RALB: variants seen among roughly 807,000 people sequenced by gnomAD.
RALB encodes ras-related protein Ral-B.
In RALB, 16 loss-of-function variants were observed where a neutral mutation model predicts 21.3. That is an observed-to-expected ratio of 0.75 (90% CI 0.51 to 1.14). The LOEUF is 1.14. Ranked by LOEUF, RALB falls within the 50% of genes most tolerant of loss-of-function variation. RALB has a pLI of 0.00. For synonymous variants in RALB, 93 were observed against 96.1 expected, an observed-to-expected ratio of 0.97 and a Z score of 0.19; for missense variants, 161 against 256.2, an observed-to-expected ratio of 0.63 and a Z score of 2.54.
chr2:120,281,302 C>T (rs563204355), intron 2 of RALB, among the ~76,000 whole-genome samples: 196 of 152,334 alleles, frequency 1.3e-3, no homozygotes, highest in Non-Finnish European at 2.0e-3. Context: ...GCTTGCTTCT[C>T]CAAGGCCGGC....
chr2:120,268,790 G>A (rs1689570999), intron 1 of RALB, among the ~76,000 whole-genome samples: 1 of 152,174 alleles, frequency 6.6e-6, no homozygotes. Context: ...AGAAGAGGCC[G>A]AGGCAAGTTT....
At chr2:120,281,890 G>C (rs80100726) in intron 2 of RALB, among the ~76,000 whole-genome samples, 12,114 of 152,164 alleles carry the variant, frequency 0.08, 647 homozygotes, top group Non-Finnish European at 0.12. Context: ...AGGTGAGAGA[G>C]GGGGATTTTG....
chr2:120,278,839 C>T (rs1689912280), intron 2 of RALB, 61 bp downstream of exon 2: 2 of 1,390,140 alleles, frequency 1.4e-6, no homozygotes, highest in South Asian at 1.7e-5. Flanking sequence ...TGTCCCTGCT[C>T]CCGCTGTTTC....
At chr2:120,255,152 CTG>C (rs1163942570) in intron 1 of RALB, among the ~76,000 whole-genome samples, 12 of 152,174 alleles carry the variant, frequency 7.9e-5, no homozygotes, top group Non-Finnish European at 1.3e-4. Context: ...TAGGTGAACT[CTG>C]TAGTTTTCCA....
chr2:120,280,866 A>G, intron 2 of RALB: 1 of 444,062 alleles, frequency 2.3e-6, no homozygotes, highest in Non-Finnish European at 4.5e-6. Flanking sequence ...ATATGACAAG[A>G]AAAAGTATAC....
Position 120,262,593 on chromosome 2 carries a change from G to A in RALB, c.-48+9613G>A, listed in dbSNP as rs115903155. Among the ~76,000 whole-genome samples, 256 of 152,266 alleles carry A rather than the reference G, an allele frequency of 1.7e-3. 1 individual carries two copies. The highest frequency in any genetic ancestry group is 5.3e-3 in the African/African-American group (220 of 41,540). Reference sequence around the variant, plus strand: ...CAGCAGTGTGCTCCCCTTAAGAGGAGGGTGGTCCTGTTCTAGCACCGTAGT... The same window carrying A: ...CAGCAGTGTGCTCCCCTTAAGAGGAAGGTGGTCCTGTTCTAGCACCGTAGT... On this transcript the variant is annotated intron_variant, in intron 1 of 4. Transcript: ENST00000272519.
intron 1 of RALB, among the ~76,000 whole-genome samples, chr2:120,260,066 C>T (rs1484278074): frequency 2.6e-5 from 4 of 152,238 alleles, no homozygotes; most frequent in Non-Finnish European, 4.4e-5. Context: ...ACCAAGCCCA[C>T]GCCCACCCGG....
intron 1 of RALB, among the ~76,000 whole-genome samples, chr2:120,277,725 GAT>G (rs1689856114): frequency 1.3e-5 from 2 of 151,956 alleles, no homozygotes; most frequent in South Asian, 2.1e-4. Context: ...GTGCGTGTGT[GAT>G]AGTGTGTGAG....
intron 1 of RALB, among the ~76,000 whole-genome samples, chr2:120,266,539 G>A (rs2104605503): frequency 6.6e-6 from 1 of 152,168 alleles, no homozygotes; most frequent in African/African-American, 2.4e-5. Context: ...GAGCCACTGT[G>A]CCCTGCCAAA....
chr2:120,278,540 T>C (rs915903213), intron 1 of RALB, 78 bp from the exon 2 acceptor site: 2 of 1,277,490 alleles, frequency 1.6e-6, no homozygotes, highest in Non-Finnish European at 2.0e-6. Context: ...TAGGCTTTAA[T>C]GGAGGATGTG....
chr2:120,255,644 G>T (rs1295918883), intron 1 of RALB, among the ~76,000 whole-genome samples: 1 of 152,212 alleles, frequency 6.6e-6, no homozygotes, highest in African/African-American at 2.4e-5. Context: ...GGATGTGGAA[G>T]TGAGTGTCAA....
Position 120,293,394 on chromosome 2 carries a change from G to A in RALB, c.*134G>A. The A allele has an allele frequency of 3.0e-6, 3 of 990,490 alleles. No homozygotes were observed. The highest frequency in any genetic ancestry group is 2.4e-5 in the South Asian group (1 of 41,870). 61.4% of individuals were successfully genotyped at this position (990,490 alleles called of 1,614,324 possible). ...CATTCACTCAAACTTCTTTAAATGGGGAAAAATATTTGTGACTCTGTGGCT... is the reference window on the plus strand; with the variant it reads ...CATTCACTCAAACTTCTTTAAATGGAGAAAAATATTTGTGACTCTGTGGCT... On this transcript the variant is annotated 3_prime_UTR_variant, in exon 5 of 5. Transcript: ENST00000272519.
intron 2 of RALB, among the ~76,000 whole-genome samples, chr2:120,285,295 T>C (rs1373999371): frequency 6.6e-6 from 1 of 152,142 alleles, no homozygotes; most frequent in Non-Finnish European, 1.5e-5. Flanking sequence ...TTGTCTCCCA[T>C]AAGGTCACTT....
intron 1 of RALB, among the ~76,000 whole-genome samples, chr2:120,277,757 A>G (rs925209471): frequency 6.6e-6 from 1 of 150,804 alleles, no homozygotes; most frequent in Non-Finnish European, 1.5e-5. Context: ...GAATGTGAGC[A>G]TGTATGACAG....
chr2:120,277,977 AAG>A (rs1009925592), intron 1 of RALB, among the ~76,000 whole-genome samples: 2 of 140,392 alleles, frequency 1.4e-5, no homozygotes, highest in Admixed American at 7.1e-5. Flanking sequence ...GTGTGTGAAT[AAG>A]AGCATGTGTG....
In RALB at chr2:120,293,851, C is replaced by T. The variant is rs547254327; in HGVS notation, c.*591C>T. 2 of 281,988 alleles carry T rather than the reference C, an allele frequency of 7.1e-6. No homozygotes were observed. Among genetic ancestry groups the T allele is most frequent in the Admixed American group, 1.0e-4 (2 of 19,126 alleles). 17.5% of individuals were successfully genotyped at this position (281,988 alleles called of 1,614,324 possible). On this transcript the variant is annotated 3_prime_UTR_variant, in exon 5 of 5. Coordinates refer to ENST00000272519, the MANE Select transcript of RALB (RefSeq NM_002881.3). Reference sequence around the variant, plus strand: ...GGTCAATACCAAGCTTCTGATTCCTCCTCACATATGAAAAGTGAAAGTTGT... The same window carrying T: ...GGTCAATACCAAGCTTCTGATTCCTTCTCACATATGAAAAGTGAAAGTTGT...
intron 1 of RALB, among the ~76,000 whole-genome samples, chr2:120,244,547 T>C (rs771276358): frequency 1.3e-5 from 2 of 152,248 alleles, no homozygotes; most frequent in Non-Finnish European, 2.9e-5. Context: ...CTCCTGCCTG[T>C]GTCACCAAGG....
intron 1 of RALB, among the ~76,000 whole-genome samples, chr2:120,277,349 ACATGTGTGTGAGAG>A (rs1260005260): frequency 7.2e-6 from 1 of 138,152 alleles, no homozygotes; most frequent in Non-Finnish European, 1.5e-5. Flanking sequence ...GAGCATGTGA[ACATGTGTGTGAGAG>A]CATGTGTGTG....
Position 120,278,730 on chromosome 2 carries a change from C to A in RALB, c.66C>A (p.Ser22Arg), listed in dbSNP as rs751629582. The change falls in exon 2 of 5, where the codon AGC (serine) becomes AGA (arginine). Residue 22 changes from serine (S) to arginine (R), a missense_variant. Physicochemically the swap from Ser to Arg is moderately radical, Grantham distance 110. Coordinates refer to ENST00000272519, the MANE Select transcript of RALB (RefSeq NM_002881.3). ...LALHKVIMVGSGGVGKSALTL... is the reference protein window; with the variant it reads ...LALHKVIMVGRGGVGKSALTL... ...TCCACAAGGTGATCATGGTTGGCAG[C>A]GGAGGCGTTGGCAAGTCAGCCCTGA... is the stretch of plus-strand genomic sequence containing the variant. 6.3e-7 allele frequency: 1 copy of A among 1,593,110 alleles called. No individual in the cohort carries two copies. Among genetic ancestry groups the A allele is most frequent in the South Asian group, 1.1e-5 (1 of 88,236 alleles).
Sources: gnomAD v4.1 joint callset for allele counts (sites outside exome capture counted in the v4.1 genomes callset) on GRCh38, gnomAD v4.1.1 for gene constraint, MANE v1.5 for transcripts, NCBI Gene and HGNC (gene_info 2026-07-23, HGNC 2026-07-21) for gene names.